The following EBF2 variants were observed in gnomAD, a reference collection of about 807,000 sequenced individuals.
EBF2 encodes the protein EBF transcription factor 2.
A neutral mutation model predicts 72.8 loss-of-function variants in EBF2; 21 were observed. The ratio of observed to expected loss-of-function variants is 0.29; its 90% CI spans 0.20 to 0.42. The LOEUF (loss-of-function observed/expected upper bound fraction) is 0.42, where lower values mean the gene tolerates loss of function less well. EBF2 is among the 10% of genes least tolerant of loss of function. The pLI, the probability that EBF2 is intolerant of heterozygous loss-of-function variation, is 1.00. For synonymous variants in EBF2, 299 were observed against 274.2 expected (o/e 1.09, Z -0.89); for missense variants, 637 against 731.2 (o/e 0.87, Z 1.49).
intron 6 of EBF2, among the ~76,000 whole-genome samples, chr8:26,018,181 G>C (rs1407091022): frequency 6.6e-6 from 1 of 151,772 alleles, no homozygotes; most frequent in Non-Finnish European, 1.5e-5. Context: ...AACAGCCAAG[G>C]CTAAGTTACT....
At position 25,867,273 on chromosome 8, in the gene EBF2, T is replaced by C. The variant is rs151319188; in HGVS notation, c.1010-4476A>G. On this transcript the variant is annotated intron_variant, in intron 10 of 15. Coordinates refer to ENST00000520164, the MANE Select transcript of EBF2 (RefSeq NM_022659.4). ...CTATATTGAGAAGTTTTCTTTATTT[T>C]ATCCTATGCTCTATAAATCTTACAT... 3.2e-4 allele frequency among the ~76,000 whole-genome samples: 49 copies of C among 152,360 alleles called. 1 individual carries two copies. The highest frequency in any genetic ancestry group is 1.5e-3 in the South Asian group (7 of 4,824).
chr8:25,910,186 T>C (rs190935122), intron 6 of EBF2, among the ~76,000 whole-genome samples: 3 of 152,314 alleles, frequency 2.0e-5, no homozygotes, highest in South Asian at 2.1e-4. Flanking sequence ...TTTATGTAAG[T>C]AAAGACTGAT....
intron 10 of EBF2, among the ~76,000 whole-genome samples, chr8:25,883,682 C>T (rs773880065): frequency 2.0e-4 from 31 of 151,994 alleles, no homozygotes; most frequent in Non-Finnish European, 4.0e-4. Flanking sequence ...ACATCAATTG[C>T]GCTACTGATT....
intron 10 of EBF2, among the ~76,000 whole-genome samples, chr8:25,864,548 G>A (rs1278171080): frequency 6.6e-6 from 1 of 151,574 alleles, no homozygotes; most frequent in African/African-American, 2.4e-5. Flanking sequence ...ACACACCTAT[G>A]TATACATATA....
At chr8:25,974,934 G>T (rs962781570) in intron 6 of EBF2, among the ~76,000 whole-genome samples, 9 of 152,086 alleles carry the variant, frequency 5.9e-5, no homozygotes, top group African/African-American at 2.2e-4. Context: ...TCAAGCTACC[G>T]GCTGCCCCGC....
At chr8:25,968,963 G>T (rs529177999) in intron 6 of EBF2, among the ~76,000 whole-genome samples, 1 of 151,864 alleles carries the variant, frequency 6.6e-6, no homozygotes, top group East Asian at 1.9e-4. Flanking sequence ...TGGTTAAGGT[G>T]GTAAGTGTAT....
chr8:25,917,028 C>T (rs1258911482), intron 6 of EBF2, among the ~76,000 whole-genome samples: 1 of 152,146 alleles, frequency 6.6e-6, no homozygotes, highest in Non-Finnish European at 1.5e-5. Context: ...ATTATTTCCT[C>T]TGAAGGGAAT....
At chr8:25,984,155 G>A (rs1175416494) in intron 6 of EBF2, among the ~76,000 whole-genome samples, 1 of 152,182 alleles carries the variant, frequency 6.6e-6, no homozygotes, top group African/African-American at 2.4e-5. Context: ...TTTCCGGAAT[G>A]CGAAACCGAG....
intron 5 of EBF2, among the ~76,000 whole-genome samples, chr8:26,033,625 G>A (rs1186189124): frequency 1.3e-5 from 2 of 152,178 alleles, no homozygotes; most frequent in Non-Finnish European, 2.9e-5. Context: ...GCCTCAGGAA[G>A]AATAGCTAAT....
chr8:26,004,417 G>A (rs774758254), intron 6 of EBF2, among the ~76,000 whole-genome samples: 6 of 152,132 alleles, frequency 3.9e-5, no homozygotes, highest in African/African-American at 7.2e-5. Context: ...GCTCACACCT[G>A]TAATTCCAAC....
At chr8:25,898,459 A>C (rs189510873) in intron 7 of EBF2, among the ~76,000 whole-genome samples, 98 of 152,178 alleles carry the variant, frequency 6.4e-4, no homozygotes, top group Admixed American at 3.9e-3. Flanking sequence ...TTAAAAAAAA[A>C]AAAACCAGCT....
chr8:25,959,804 G>T (rs1222042028), intron 6 of EBF2, among the ~76,000 whole-genome samples: 2 of 152,082 alleles, frequency 1.3e-5, no homozygotes, highest in Admixed American at 6.6e-5. Flanking sequence ...CATCCAAAAT[G>T]GAAGGGCTTA....
chr8:26,041,980 T>A (rs1296377452), intron 2 of EBF2, 115 bp downstream of exon 2: 2 of 1,455,978 alleles, frequency 1.4e-6, no homozygotes, highest in Admixed American at 2.0e-5. Flanking sequence ...AGCCTCGATT[T>A]ATCATCCCTG....
At chr8:25,971,847 C>T (rs1210277465) in intron 6 of EBF2, among the ~76,000 whole-genome samples, 3 of 152,104 alleles carry the variant, frequency 2.0e-5, no homozygotes, top group Non-Finnish European at 4.4e-5. Context: ...AAATAGGGCA[C>T]CCGTCTAGGG....
rs1361486978 is a variant in EBF2 at position 26,044,691 on chromosome 8, C to T, written c.131+38G>A. The T allele has an allele frequency of 6.2e-6, 10 of 1,606,738 alleles. No homozygotes were observed. Among genetic ancestry groups the T allele is most frequent in the East Asian group, 2.2e-5 (1 of 44,724 alleles). On this transcript the variant is annotated intron_variant, in intron 1 of 15. Transcript: ENST00000520164. This position sits in a 1 kb window ranked among gnomAD's most constrained non-coding sequence, Gnocchi z 4.1. ...CACACGGAGAGACAGACCGTAAGAG[C>T]GAGAGACAGCATAATAATTGCGCGG...
intron 7 of EBF2, among the ~76,000 whole-genome samples, chr8:25,898,029 G>C (rs1000740062): frequency 1.3e-5 from 2 of 152,170 alleles, no homozygotes; most frequent in African/African-American, 4.8e-5. Context: ...ACATGCAATG[G>C]AAGTTTATAG....
chr8:26,005,218 T>G (rs1170742646), intron 6 of EBF2, among the ~76,000 whole-genome samples: 3 of 105,028 alleles, frequency 2.9e-5, no homozygotes, highest in Admixed American at 1.5e-4. Context: ...TATATATATA[T>G]AGAATATATC....
intron 11 of EBF2, 152 bp downstream of exon 11, chr8:25,862,557 C>T (rs1802229531): frequency 2.3e-6 from 1 of 432,854 alleles, no homozygotes; most frequent in Non-Finnish European, 4.2e-6. Context: ...TAATATATTT[C>T]ATAGCAGATA....
At chr8:25,844,673 TG>T (rs1426555203) in intron 15 of EBF2, 33 bp from the exon 16 acceptor site, 1 of 1,613,762 alleles carries the variant, frequency 6.2e-7, no homozygotes, top group Non-Finnish European at 8.5e-7. Flanking sequence ...GAATGAGACT[TG>T]GGGACTTTTT....
Sources: allele counts gnomAD v4.1 joint callset (sites outside exome capture counted in the v4.1 genomes callset), GRCh38; gene constraint gnomAD v4.1.1; non-coding constraint Gnocchi (gnomAD v3.1); transcripts MANE v1.5; gene names NCBI Gene and HGNC (gene_info 2026-07-23, HGNC 2026-07-21).